CDH18: variants seen among roughly 807,000 people sequenced by gnomAD.
The protein encoded by CDH18 is cadherin-18.
CDH18 carries 31 observed loss-of-function variants against 67.9 expected under a neutral mutation model. That is an observed-to-expected ratio of 0.46 (90% CI 0.34 to 0.62). The LOEUF (loss-of-function observed/expected upper bound fraction) is 0.62, where lower values mean the gene tolerates loss of function less well. CDH18 is among the 20% of genes least tolerant of loss of function. The pLI, the probability that CDH18 is intolerant of heterozygous loss-of-function variation, is 0.01. For synonymous variants in CDH18, 362 were observed against 347.2 expected (o/e 1.04, Z -0.48); for missense variants, 890 against 975.5 (o/e 0.91, Z 1.17).
chr5:20,338,746 A>C (rs1739999019), intron 1 of CDH18, among the ~76,000 whole-genome samples: 1 of 152,160 alleles, frequency 6.6e-6, no homozygotes, highest in South Asian at 2.1e-4. Context: ...GACCTGCAAA[A>C]TGAGTGAAGA....
intron 2 of CDH18, among the ~76,000 whole-genome samples, chr5:20,095,488 AGGG>A (rs1745890407): frequency 5.8e-5 from 2 of 34,694 alleles, no homozygotes; most frequent in Admixed American, 6.3e-4. Context: ...GGAGAGAGAG[AGGG>A]AGGGAGGGAG....
chr5:20,282,406 G>A (rs1033461294), intron 1 of CDH18, among the ~76,000 whole-genome samples: 3 of 152,026 alleles, frequency 2.0e-5, no homozygotes, highest in Non-Finnish European at 4.4e-5. Flanking sequence ...CTAATTTCTT[G>A]AGAGTTTTTA....
In CDH18 at chr5:19,472,677, C is replaced by G. The variant is rs1251085011; in HGVS notation, c.*549G>C. 1.3e-5 allele frequency among the ~76,000 whole-genome samples: 2 copies of G among 152,004 alleles called. No individual in the cohort carries two copies. Among genetic ancestry groups the G allele is most frequent in the Admixed American group, 6.6e-5 (1 of 15,234 alleles). ...GGAGGGCAAAGGGAAATGGTACATA[C>G]AAGTCCATGATAGAGTGGAAATACC... On this transcript the variant is annotated 3_prime_UTR_variant, in exon 13 of 13. Transcript: ENST00000382275.
intron 2 of CDH18, among the ~76,000 whole-genome samples, chr5:20,007,553 A>G (rs1305580004): frequency 2.0e-5 from 3 of 152,136 alleles, no homozygotes. Flanking sequence ...AAAATATAGA[A>G]ATGATGGATT....
intron 2 of CDH18, among the ~76,000 whole-genome samples, chr5:20,175,860 A>G (rs1211153171): frequency 1.3e-5 from 2 of 152,064 alleles, no homozygotes; most frequent in African/African-American, 4.8e-5. Flanking sequence ...ACTGACTCAA[A>G]TGTTAATCTC....
At chr5:20,446,035 C>G (rs1561009806) in intron 1 of CDH18, among the ~76,000 whole-genome samples, 2 of 152,092 alleles carry the variant, frequency 1.3e-5, no homozygotes, top group African/African-American at 4.8e-5. Flanking sequence ...GGTTACAGAG[C>G]TAGAATTAAA....
intron 3 of CDH18, among the ~76,000 whole-genome samples, chr5:19,754,425 T>C (rs951288897): frequency 1.3e-5 from 2 of 152,172 alleles, no homozygotes; most frequent in Non-Finnish European, 2.9e-5. Flanking sequence ...AGAGGGACAT[T>C]ATATAATGAT....
chr5:19,547,592 C>G lies in CDH18; in HGVS notation c.1254-3587G>C, dbSNP rs571386093. Among the ~76,000 whole-genome samples, 3 of 152,310 alleles carry G rather than the reference C, an allele frequency of 2.0e-5. No individual in the cohort carries two copies. The South Asian group carries it at 6.2e-4, about 32-fold the overall frequency. ...TTTTAGCCACTTCACACTGGGCTTTCTAACATAAGTGCTAATATCAGTGGC... is the reference window on the plus strand; with the variant it reads ...TTTTAGCCACTTCACACTGGGCTTTGTAACATAAGTGCTAATATCAGTGGC... On this transcript the variant is annotated intron_variant, in intron 8 of 12. Coordinates refer to ENST00000382275, the MANE Select transcript of CDH18 (RefSeq NM_004934.5).
rs747474865 is a variant in CDH18, at chr5:19,838,833, T to C, written c.154A>G (p.Lys52Glu). The C allele has an allele frequency of 1.2e-6, 2 of 1,613,902 alleles. No homozygotes were observed. Among genetic ancestry groups the C allele is most frequent in the East Asian group, 2.2e-5 (1 of 44,848 alleles). Residue 52 changes from lysine to glutamate, a missense_variant, in exon 3 of 13, where the codon AAA becomes GAA. Lys to Glu is a moderately conservative substitution (Grantham distance 56, BLOSUM62 1). Coordinates refer to ENST00000382275, the MANE Select transcript of CDH18 (RefSeq NM_004934.5). ...AACTGATTCCATACCCATCCCCTTT[T>C]GGGACGATGATGGACTTCGGTTTCA... ...EGETEVHHRP[K>E]RGWVWNQFFV... is the part of the protein sequence containing the mutation.
intron 2 of CDH18, among the ~76,000 whole-genome samples, chr5:19,964,450 T>A (rs1384687479): frequency 1.1e-4 from 17 of 149,666 alleles, no homozygotes; most frequent in African/African-American, 4.2e-4. Context: ...AAAAAGAAAT[T>A]ATATGGGTGT....
intron 1 of CDH18, among the ~76,000 whole-genome samples, chr5:20,346,596 G>A (rs546993415): frequency 1.6e-4 from 25 of 152,276 alleles, no homozygotes; most frequent in Admixed American, 1.0e-3. Context: ...TGGGCCTTGA[G>A]TTGCCTATAC....
intron 2 of CDH18, among the ~76,000 whole-genome samples, chr5:19,975,254 A>G (rs1010144315): frequency 7.9e-5 from 12 of 152,130 alleles, no homozygotes; most frequent in Non-Finnish European, 1.3e-4. Context: ...ACTTAATAAA[A>G]ATTATGTTAA....
At chr5:20,563,994 T>G (rs193302051) in intron 1 of CDH18, among the ~76,000 whole-genome samples, 35 of 152,220 alleles carry the variant, frequency 2.3e-4, no homozygotes, top group African/African-American at 8.2e-4. Flanking sequence ...TATTAATAAG[T>G]ACCCTACTTC....
At chr5:19,835,052 G>T (rs190785640) in intron 3 of CDH18, among the ~76,000 whole-genome samples, 1 of 152,018 alleles carries the variant, frequency 6.6e-6, no homozygotes. Flanking sequence ...AATCATTCTA[G>T]TATAAAGACA....
chr5:19,561,056 G>T (rs1739366489), intron 8 of CDH18, among the ~76,000 whole-genome samples: 1 of 152,070 alleles, frequency 6.6e-6, no homozygotes, highest in South Asian at 2.1e-4. Flanking sequence ...TTACATTGTT[G>T]GTGGGAGTGC....
At chr5:19,854,858 A>G (rs577315059) in intron 2 of CDH18, among the ~76,000 whole-genome samples, 5 of 149,734 alleles carry the variant, frequency 3.3e-5, no homozygotes, top group Non-Finnish European at 5.9e-5. Flanking sequence ...TCCATTAACC[A>G]TTCCCCCTTT....
intron 5 of CDH18, among the ~76,000 whole-genome samples, chr5:19,660,257 C>T (rs534269306): frequency 1.3e-5 from 2 of 151,958 alleles, no homozygotes; most frequent in African/African-American, 2.4e-5. Flanking sequence ...CATACGTGAA[C>T]GTTCAACTCT....
At chr5:20,064,310 T>C (rs1742782509) in intron 2 of CDH18, among the ~76,000 whole-genome samples, 1 of 152,090 alleles carries the variant, frequency 6.6e-6, no homozygotes, top group Admixed American at 6.6e-5. Flanking sequence ...CCCTGTTTTA[T>C]ACACAGACAA....
chr5:19,953,288 C>T (rs1396379), intron 2 of CDH18, among the ~76,000 whole-genome samples: 85,554 of 151,776 alleles, frequency 0.56, 24,251 homozygotes, highest in Middle Eastern at 0.7. Flanking sequence ...AGAATCAATA[C>T]TGAATATGTT....
Sources: allele counts gnomAD v4.1 joint callset (sites outside exome capture counted in the v4.1 genomes callset), GRCh38; gene constraint gnomAD v4.1.1; transcripts MANE v1.5; gene names NCBI Gene and HGNC (gene_info 2026-07-23, HGNC 2026-07-21).